Variants in ZNF782 observed in about 807,000 individuals in gnomAD.
ZNF782 encodes the protein zinc finger protein 782.
In ZNF782, 12 loss-of-function variants were observed where a neutral mutation model predicts 13.0. That is an observed-to-expected ratio of 0.92 (90% CI 0.59 to 1.50). The LOEUF (loss-of-function observed/expected upper bound fraction) is 1.50, where lower values mean the gene tolerates loss of function less well. Among genes scored for constraint, ZNF782 ranks in the 40% most tolerant of loss-of-function variants. ZNF782 has a pLI of 0.00. For synonymous variants in ZNF782, 284 were observed against 283.0 expected, an observed-to-expected ratio of 1.00 and a Z score of -0.04; for missense variants, 770 against 822.9, an observed-to-expected ratio of 0.94 and a Z score of 0.79.
chr9:96,896,428 A>G, the ZNF782 span, among the ~76,000 whole-genome samples: 7 of 152,224 alleles, frequency 4.6e-5, no homozygotes, highest in African/African-American at 1.7e-4. Context: ...AGTAGCAACT[A>G]TTCTAGACTT....
chr9:96,910,722 C>T, the ZNF782 span, among the ~76,000 whole-genome samples: 1 of 149,354 alleles, frequency 6.7e-6, no homozygotes, highest in East Asian at 2.0e-4. Flanking sequence ...CTGCAAGTTC[C>T]TCCTCCCGGG....
chr9:96,897,399 C>G, the ZNF782 span, among the ~76,000 whole-genome samples: 4 of 152,164 alleles, frequency 2.6e-5, no homozygotes, highest in Non-Finnish European at 5.9e-5. Flanking sequence ...GTGAAATCCT[C>G]TCCCCTGATG....
chr9:96,879,351 A>G (rs1381626828), upstream of ZNF782, among the ~76,000 whole-genome samples: 1 of 152,066 alleles, frequency 6.6e-6, no homozygotes, highest in African/African-American at 2.4e-5. Flanking sequence ...CAACAACAAA[A>G]AATTAGCCGT....
At chr9:96,892,363 G>GCTGTGAA in the ZNF782 span, 1 of 152,204 alleles carries the variant, frequency 6.6e-6, no homozygotes, top group Non-Finnish European at 1.5e-5. Context: ...AGTTCACGCT[G>GCTGTGAA]CTGTGAACAT....
chr9:96,834,029 T>A (rs886522635), intron 4 of ZNF782, among the ~76,000 whole-genome samples: 1 of 152,196 alleles, frequency 6.6e-6, no homozygotes, highest in Non-Finnish European at 1.5e-5. Flanking sequence ...TGATCCTTAA[T>A]GCAGTGTTGA....
intron 5 of ZNF782, among the ~76,000 whole-genome samples, chr9:96,820,091 T>C (rs565704086): frequency 1.3e-4 from 20 of 152,218 alleles, no homozygotes; most frequent in South Asian, 2.1e-4. Flanking sequence ...CGTAAGAGCA[T>C]TGGATCCTGG....
chr9:96,824,144 A>G (rs1850520475), intron 5 of ZNF782, among the ~76,000 whole-genome samples: 1 of 150,988 alleles, frequency 6.6e-6, no homozygotes, highest in Admixed American at 6.6e-5. Context: ...ACATTGATGC[A>G]AAAATCCTCA....
intron 5 of ZNF782, among the ~76,000 whole-genome samples, chr9:96,825,807 A>G (rs1385802216): frequency 6.6e-6 from 1 of 152,050 alleles, no homozygotes; most frequent in Admixed American, 6.5e-5. Flanking sequence ...AATGCTCACC[A>G]TCACTGGCCA....
At chr9:96,930,870 T>C in the ZNF782 span, among the ~76,000 whole-genome samples, 2 of 119,806 alleles carry the variant, frequency 1.7e-5, no homozygotes, top group South Asian at 5.7e-4. Flanking sequence ...TTCCATCCAG[T>C]GGTTTTTTTT....
the ZNF782 span, among the ~76,000 whole-genome samples, chr9:96,933,359 T>A: frequency 7.3e-5 from 11 of 151,082 alleles, no homozygotes; most frequent in Admixed American, 4.6e-4. Context: ...AGCCACGGTT[T>A]GGGTTTAGGT....
At position 96,827,093 on chromosome 9, in the gene ZNF782, G is replaced by A. The variant is rs773030825; in HGVS notation, c.231C>T (p.Ser77=). 2.5e-6 allele frequency: 4 copies of A among 1,609,968 alleles called. No homozygotes were observed. The Admixed American group carries it at 6.7e-5, about 27-fold the overall frequency. ...WLLEKEKGFL[S]RNSPEDSQPD... Reference sequence around the variant, plus strand: ...TCAGTAACTCACCTGGGGAGTTCCTGCTTAGAAATCCTTTCTCTTTCTCTA... The same window carrying A: ...TCAGTAACTCACCTGGGGAGTTCCTACTTAGAAATCCTTTCTCTTTCTCTA... The change falls in exon 5 of 6, where the codon AGC becomes AGT. Residue 77 remains serine, a synonymous_variant. Transcript: ENST00000481138.
chr9:96,897,406 G>A, the ZNF782 span, among the ~76,000 whole-genome samples: 2 of 152,154 alleles, frequency 1.3e-5, no homozygotes, highest in Non-Finnish European at 2.9e-5. Flanking sequence ...CCTCTCCCCT[G>A]ATGTTGCAGG....
At chr9:96,885,887 G>A in the ZNF782 span, among the ~76,000 whole-genome samples, 2 of 151,378 alleles carry the variant, frequency 1.3e-5, no homozygotes, top group Non-Finnish European at 2.9e-5. Context: ...TCACTCTGTG[G>A]CCTAGTCTGG....
At chr9:96,900,291 T>A in the ZNF782 span, among the ~76,000 whole-genome samples, 1 of 150,356 alleles carries the variant, frequency 6.7e-6, no homozygotes, top group Non-Finnish European at 1.5e-5. Context: ...CTGCAATCAG[T>A]CCTAGTCAGT....
the ZNF782 span, among the ~76,000 whole-genome samples, chr9:96,915,222 G>C: frequency 6.6e-6 from 1 of 152,064 alleles, no homozygotes; most frequent in African/African-American, 2.4e-5. Flanking sequence ...GAACAGTAGA[G>C]AAATATAGTA....
At chr9:96,916,386 A>G in the ZNF782 span, among the ~76,000 whole-genome samples, 2 of 152,004 alleles carry the variant, frequency 1.3e-5, no homozygotes, top group East Asian at 3.8e-4. Flanking sequence ...ACTACTCAGG[A>G]GGCTAAGGCA....
chr9:96,826,444 A>G (rs202010391), intron 5 of ZNF782, among the ~76,000 whole-genome samples: 2 of 152,230 alleles, frequency 1.3e-5, no homozygotes, highest in African/African-American at 2.4e-5. Flanking sequence ...GATATACCTA[A>G]TGCTAGATGA....
At position 96,818,665 on chromosome 9, in the gene ZNF782, T is replaced by C. The variant is rs750150812; in HGVS notation, c.1358A>G (p.His453Arg). Residue 453 changes from histidine to arginine, a missense_variant, in exon 6 of 6, where the codon CAT (histidine) becomes CGT (arginine). By Grantham distance (29) the His-to-Arg change is conservative. Transcript: ENST00000481138. ...THTGEKPFEC[H>R]ECGKSFNYKS... ...ATAGTTAAAAGATTTCCCACATTCA[T>C]GACATTCGAATGGTTTCTCCCCTGT... 6.6e-5 allele frequency: 106 copies of C among 1,614,052 alleles called. No homozygotes were observed. Among genetic ancestry groups the C allele is most frequent in the Non-Finnish European group, 8.4e-5 (99 of 1,180,022 alleles).
At chr9:96,872,655 T>G (rs1851841344) in intron 1 of ZNF782, among the ~76,000 whole-genome samples, 1 of 152,234 alleles carries the variant, frequency 6.6e-6, no homozygotes, top group Non-Finnish European at 1.5e-5. Context: ...ATAAGTTGCC[T>G]GGACTATTCA....
Sources: gnomAD v4.1 joint callset for allele counts (sites outside exome capture counted in the v4.1 genomes callset) on GRCh38, gnomAD v4.1.1 for gene constraint, MANE v1.5 for transcripts, NCBI Gene and HGNC (gene_info 2026-07-23, HGNC 2026-07-21) for gene names.